PHACTR3: variants seen among roughly 807,000 people sequenced by gnomAD.
PHACTR3 encodes the protein protein phosphatase 1, regulatory subunit 123.
A neutral mutation model predicts 66.8 loss-of-function variants in PHACTR3; 16 were observed. That is an observed-to-expected ratio of 0.24 (90% confidence interval 0.16 to 0.36). The LOEUF (loss-of-function observed/expected upper bound fraction) is 0.36. Ranked by LOEUF, PHACTR3 falls within the 10% of genes least tolerant of loss-of-function variation. The pLI is 1.00. For synonymous variants in PHACTR3, 323 were observed against 292.1 expected (o/e 1.11, Z -1.08); for missense variants, 647 against 719.9 (o/e 0.90, Z 1.16).
chr20:59,600,107 C>G (rs2033430893), upstream of PHACTR3, among the ~76,000 whole-genome samples: 1 of 152,202 alleles, frequency 6.6e-6, no homozygotes, highest in Non-Finnish European at 1.5e-5. Context: ...CTCCATGCTG[C>G]TCCCACCTCA....
intron 1 of PHACTR3, among the ~76,000 whole-genome samples, chr20:59,695,481 G>A (rs548620085): frequency 9.9e-5 from 15 of 152,170 alleles, no homozygotes; most frequent in Non-Finnish European, 2.1e-4. Context: ...ACAGCCTGTG[G>A]AACTGTGAGT....
chr20:59,790,192 G>A (rs2041046365), intron 7 of PHACTR3, among the ~76,000 whole-genome samples: 2 of 152,256 alleles, frequency 1.3e-5, no homozygotes, highest in African/African-American at 4.8e-5. Context: ...TGTGTCATGA[G>A]GGTTTGTTGT....
At position 59,757,764 on chromosome 20, in the gene PHACTR3, C is replaced by T. The variant is rs541774709; in HGVS notation, c.541+2400C>T. Among the ~76,000 whole-genome samples the T allele has an allele frequency of 3.3e-5, 5 of 152,348 alleles. No homozygotes were observed. In the East Asian group the frequency reaches 7.7e-4, roughly 24 times the overall value. Reference sequence around the variant, plus strand: ...CCTAGGAGTTCAAAGTCATCCTGGACAGCATAGCATGACGCCATCTCTACA... The same window carrying T: ...CCTAGGAGTTCAAAGTCATCCTGGATAGCATAGCATGACGCCATCTCTACA... On this transcript the variant is annotated intron_variant, in intron 4 of 12. Transcript: ENST00000371015.
At chr20:59,787,417 C>T (rs1249128844) in intron 7 of PHACTR3, among the ~76,000 whole-genome samples, 1 of 152,156 alleles carries the variant, frequency 6.6e-6, no homozygotes, top group Non-Finnish European at 1.5e-5. Context: ...GGAAGCCCAG[C>T]CTTTGAGGGA....
At chr20:59,777,211 G>T (rs931414974) in intron 7 of PHACTR3, among the ~76,000 whole-genome samples, 1 of 152,132 alleles carries the variant, frequency 6.6e-6, no homozygotes, top group Non-Finnish European at 1.5e-5. Context: ...AGTATTGCAG[G>T]CAGGGCCCAT....
intron 12 of PHACTR3, among the ~76,000 whole-genome samples, chr20:59,846,638 A>G (rs2059152310): frequency 6.6e-6 from 1 of 152,206 alleles, no homozygotes; most frequent in South Asian, 2.1e-4. Flanking sequence ...TTTCTAAAAT[A>G]ATGACTCTAA....
chr20:59,619,870 T>C (rs2034172228), intron 1 of PHACTR3, among the ~76,000 whole-genome samples: 1 of 152,224 alleles, frequency 6.6e-6, no homozygotes, highest in South Asian at 2.1e-4. Flanking sequence ...CTGATGCTCC[T>C]GCTGTGTGCT....
In PHACTR3 at chr20:59,736,249, G is replaced by A. The variant is rs2038939087; in HGVS notation, c.119-6858G>A. On this transcript the variant is annotated intron_variant, in intron 1 of 12. Transcript: ENST00000371015. The surrounding 1 kb of genome is among the most constrained non-coding windows in gnomAD (Gnocchi z 4.6). ...CTCTAATGCCTCAGAGGTGGCAGAG[G>A]TGCAGTGGAACCTGGCACTACTGTT... 6.6e-6 allele frequency among the ~76,000 whole-genome samples: 1 copy of A among 152,152 alleles called. No individual in the cohort carries two copies. The highest frequency in any genetic ancestry group is 6.5e-5 in the Admixed American group (1 of 15,274).
At chr20:59,637,093 T>A (rs1002594880) in intron 1 of PHACTR3, among the ~76,000 whole-genome samples, 1 of 152,232 alleles carries the variant, frequency 6.6e-6, no homozygotes, top group African/African-American at 2.4e-5. Flanking sequence ...TGTGGGGCTG[T>A]CTGCCCCAGC....
At chr20:59,733,482 A>G (rs1476821679) in intron 1 of PHACTR3, among the ~76,000 whole-genome samples, 1 of 152,058 alleles carries the variant, frequency 6.6e-6, no homozygotes, top group Non-Finnish European at 1.5e-5. Flanking sequence ...GTGTGAGGTT[A>G]TTGTATGTTG....
At chr20:59,822,793 G>A (rs973470287) in intron 8 of PHACTR3, among the ~76,000 whole-genome samples, 3 of 152,220 alleles carry the variant, frequency 2.0e-5, no homozygotes, top group Non-Finnish European at 2.9e-5. Flanking sequence ...TAGGAGTGGG[G>A]GATGGGAGTC....
intron 1 of PHACTR3, among the ~76,000 whole-genome samples, chr20:59,583,362 G>A (rs1277355382): frequency 6.6e-6 from 1 of 152,148 alleles, no homozygotes; most frequent in African/African-American, 2.4e-5. Flanking sequence ...AGTGGACCAT[G>A]GCTTCCAAAC....
chr20:59,743,346 T>C (rs933513243), intron 2 of PHACTR3, 78 bp downstream of exon 2: 54 of 1,542,778 alleles, frequency 3.5e-5, no homozygotes, highest in Non-Finnish European at 4.8e-5. Context: ...CCCCTGCTGA[T>C]CTGTGACTTC....
intron 4 of PHACTR3, among the ~76,000 whole-genome samples, chr20:59,762,239 G>A (rs890297866): frequency 1.3e-5 from 2 of 152,222 alleles, no homozygotes; most frequent in African/African-American, 4.8e-5. Context: ...TGAGTCTCAT[G>A]GCCATCAGGG....
At chr20:59,647,542 A>T (rs925942753) in intron 1 of PHACTR3, among the ~76,000 whole-genome samples, 1 of 152,244 alleles carries the variant, frequency 6.6e-6, no homozygotes, top group East Asian at 1.9e-4. Flanking sequence ...AGGGTGTTGG[A>T]GTGACATGCA....
intron 4 of PHACTR3, among the ~76,000 whole-genome samples, chr20:59,766,918 G>C (rs1056073176): frequency 3.9e-5 from 6 of 152,192 alleles, no homozygotes; most frequent in African/African-American, 1.4e-4. Context: ...CCTAGGTGAG[G>C]TGGGAGCTGT....
Position 59,743,161 on chromosome 20 carries a change from G to C in PHACTR3, c.173G>C (p.Arg58Pro). Residue 58 changes from arginine to proline, a missense_variant, in exon 2 of 13, where the codon CGA (arginine) becomes CCA (proline). Around this residue, in one of 2 missense-constraint regions of PHACTR3, gnomAD observed 577 missense variants for 571.1 expected, o/e 1.01. Coordinates refer to ENST00000371015, the MANE Select transcript of PHACTR3 (RefSeq NM_080672.5). ...ARPEYLVSGI[R>P]TPPVRRNSKL... Reference sequence around the variant, plus strand: ...CCTGAATATCTGGTCTCAGGGATTCGAACTCCCCCTGTGAGGAGGAACAGC... The same window carrying C: ...CCTGAATATCTGGTCTCAGGGATTCCAACTCCCCCTGTGAGGAGGAACAGC... The C allele has an allele frequency of 6.2e-7, 1 of 1,614,046 alleles. No homozygotes were observed. The highest frequency in any genetic ancestry group is 2.2e-5 in the East Asian group (1 of 44,868).
intron 11 of PHACTR3, among the ~76,000 whole-genome samples, chr20:59,842,964 T>TTATACCTAGAGAA: frequency 6.6e-6 from 1 of 152,248 alleles, no homozygotes; most frequent in South Asian, 2.1e-4. Context: ...CAATATGATC[T>TTATACCTAGAGAA]TATACCTAGA....
At chr20:59,805,953 G>T (rs766326939) in intron 7 of PHACTR3, 88 bp from the exon 8 acceptor site, 15 of 1,418,658 alleles carry the variant, frequency 1.1e-5, no homozygotes, top group Non-Finnish European at 1.3e-5. Flanking sequence ...CCTCTGGCAG[G>T]TGGGCGGCTC....
Sources: allele counts gnomAD v4.1 joint callset (sites outside exome capture counted in the v4.1 genomes callset), GRCh38; gene constraint gnomAD v4.1.1; regional missense constraint gnomAD v4.1.1; non-coding constraint Gnocchi (gnomAD v3.1); transcripts MANE v1.5; gene names NCBI Gene and HGNC (gene_info 2026-07-23, HGNC 2026-07-21).